NAV2: variants seen among roughly 807,000 people sequenced by gnomAD.
NAV2 encodes the protein helicase, APC down-regulated 1.
A neutral mutation model predicts 223.2 loss-of-function variants in NAV2; 54 were observed. The ratio of observed to expected loss-of-function variants is 0.24; its 90% CI spans 0.19 to 0.30. The LOEUF is 0.30. NAV2 is among the 10% of genes least tolerant of loss of function. The pLI, the probability that NAV2 is intolerant of heterozygous loss-of-function variation, is 1.00. For synonymous variants in NAV2, 1,279 were observed against 1,239.3 expected (o/e 1.03, Z -0.67); for missense variants, 2,806 against 3,147.5 (o/e 0.89, Z 2.60).
At chr11:19,778,479 C>A in intron 1 of NAV2, 1 of 294,046 alleles carries the variant, frequency 3.4e-6, no homozygotes, top group Non-Finnish European at 6.8e-6. Flanking sequence ...GGTGTGAGGT[C>A]TTTAAAGATG....
chr11:19,693,357 T>A (rs1254083716), intron 1 of NAV2, among the ~76,000 whole-genome samples: 1 of 152,160 alleles, frequency 6.6e-6, no homozygotes, highest in Non-Finnish European at 1.5e-5. Context: ...ACAACAATTT[T>A]CCATGCCCTA....
chr11:19,935,350 T>C (rs2042047344), intron 7 of NAV2, among the ~76,000 whole-genome samples: 1 of 152,220 alleles, frequency 6.6e-6, no homozygotes, highest in African/African-American at 2.4e-5. Context: ...CTCACACTCA[T>C]ACAGCCATAC....
intron 1 of NAV2, among the ~76,000 whole-genome samples, chr11:19,807,088 A>T (rs796193148): frequency 3.3e-5 from 5 of 152,296 alleles, no homozygotes; most frequent in African/African-American, 1.2e-4. Flanking sequence ...TGTGGGGCAA[A>T]TGTGATGTGT....
rs546992200 is a variant in NAV2, at chr11:19,360,677, T to G, written c.75+9650T>G. ...GGATCGCTCCAGAAGAAGGCATGAG[T>G]GGACAGGCAGTGATTGACATCTCTA... is the stretch of plus-strand genomic sequence containing the variant. On this transcript the variant is annotated intron_variant, in intron 1 of 37. Transcript: ENST00000360655. Among the ~76,000 whole-genome samples, 12 of 152,058 alleles carry G rather than the reference T, an allele frequency of 7.9e-5. No individual in the cohort carries two copies. In the South Asian group the frequency reaches 2.5e-3, roughly 32 times the overall value.
chr11:19,665,915 AATC>A lies in NAV2; in HGVS notation c.76-166550_76-166548del, dbSNP rs570038146. On this transcript the variant is annotated intron_variant, in intron 1 of 37. Coordinates refer to the NAV2 transcript ENST00000360655. ...CACAACATAATTTCAAAGAATGCAG[AATC>A]ATCATCATCATCATCATCGTCATCA... 2.1e-4 allele frequency among the ~76,000 whole-genome samples: 32 copies of A among 152,110 alleles called. No individual in the cohort carries two copies. In the South Asian group the frequency reaches 2.5e-3, roughly 12 times the overall value.
At chr11:19,659,443 G>T (rs562440687) in intron 1 of NAV2, among the ~76,000 whole-genome samples, 1 of 152,320 alleles carries the variant, frequency 6.6e-6, no homozygotes, top group Non-Finnish European at 1.5e-5. Context: ...GAGTTAACGT[G>T]CTGGGGGGTG....
intron 1 of NAV2, among the ~76,000 whole-genome samples, chr11:19,671,961 G>C (rs1041234423): frequency 6.6e-6 from 1 of 152,184 alleles, no homozygotes; most frequent in Non-Finnish European, 1.5e-5. Context: ...CCTGTCTAGA[G>C]GGAGAGACAT....
chr11:19,933,335 G>A lies in NAV2; in HGVS notation c.1091G>A (p.Ser364Asn). The A allele has an allele frequency of 6.2e-7, 1 of 1,612,190 alleles. No homozygotes were observed. Among genetic ancestry groups the A allele is most frequent in the Non-Finnish European group, 8.5e-7 (1 of 1,179,116 alleles). ...ATKPWRSKSL[S>N]VKHSATVSML... ...AAGCCTTGGCGCAGCAAATCCCTCA[G>A]CGTGAAGCACAGTGCCACGGTATCC... The change falls in exon 7 of 38, where the codon AGC becomes AAC. Residue 364 changes from serine to asparagine, a missense_variant. Around this residue, in one of 4 missense-constraint regions of NAV2, gnomAD observed 1,167 missense variants for 1,180.5 expected, o/e 0.99. Coordinates refer to ENST00000349880, the MANE Select transcript of NAV2 (RefSeq NM_145117.5). This position sits in a 1 kb window ranked among gnomAD's most constrained non-coding sequence, Gnocchi z 4.3.
At chr11:20,029,023 G>T (rs539059860) in intron 11 of NAV2, among the ~76,000 whole-genome samples, 1 of 152,282 alleles carries the variant, frequency 6.6e-6, no homozygotes, top group Non-Finnish European at 1.5e-5. Flanking sequence ...AAAATAATCT[G>T]ACAGGTGAAA....
chr11:19,834,336 C>G (rs181990485), intron 2 of NAV2, among the ~76,000 whole-genome samples: 1 of 152,176 alleles, frequency 6.6e-6, no homozygotes, highest in African/African-American at 2.4e-5. Context: ...GACTAGTCTC[C>G]ATGGGAATTC....
At chr11:19,699,465 T>C (rs1266013891) in intron 1 of NAV2, among the ~76,000 whole-genome samples, 2 of 152,066 alleles carry the variant, frequency 1.3e-5, no homozygotes, top group Non-Finnish European at 2.9e-5. Context: ...CTTATGGATT[T>C]TGAAGAGTCA....
intron 5 of NAV2, among the ~76,000 whole-genome samples, chr11:19,886,178 A>G (rs918224236): frequency 6.6e-6 from 1 of 150,506 alleles, no homozygotes; most frequent in Non-Finnish European, 1.5e-5. Flanking sequence ...GGGTCTCTCA[A>G]TGTTACCTAG....
At chr11:19,458,804 C>G (rs577439203) in intron 1 of NAV2, among the ~76,000 whole-genome samples, 1 of 152,360 alleles carries the variant, frequency 6.6e-6, no homozygotes, top group Non-Finnish European at 1.5e-5. Flanking sequence ...TACCACCTTT[C>G]TAGTCATACC....
chr11:19,785,347 A>G (rs2057026460), intron 1 of NAV2, among the ~76,000 whole-genome samples: 1 of 152,242 alleles, frequency 6.6e-6, no homozygotes, highest in Non-Finnish European at 1.5e-5. Context: ...AAGATTATAA[A>G]GAGCGAGAAG....
chr11:19,996,444 G>T (rs1044409849), intron 11 of NAV2, among the ~76,000 whole-genome samples: 1 of 152,202 alleles, frequency 6.6e-6, no homozygotes. Flanking sequence ...TGTGGCTCAG[G>T]CTCAGGCCAA....
At chr11:19,932,236 C>CAAAAAAAAAAAAAAAAAAAAAA (rs398015484) in intron 6 of NAV2, among the ~76,000 whole-genome samples, 2 of 78,994 alleles carry the variant, frequency 2.5e-5, no homozygotes, top group African/African-American at 1.2e-4. Flanking sequence ...CACTCTTAAG[C>CAAAAAAAAAAAAAAAAAAAAAA]AAAAAAAAAA....
chr11:19,364,928 A>AT (rs1194280507), intron 1 of NAV2, among the ~76,000 whole-genome samples: 1 of 152,206 alleles, frequency 6.6e-6, no homozygotes, highest in African/African-American at 2.4e-5. Flanking sequence ...ATACAACAAT[A>AT]TTTCGGTTTT....
intron 1 of NAV2, among the ~76,000 whole-genome samples, chr11:19,654,529 G>T (rs1329518508): frequency 1.3e-5 from 2 of 152,090 alleles, no homozygotes; most frequent in African/African-American, 4.8e-5. Context: ...GCATGGTACT[G>T]GTACCAAAAC....
At chr11:19,917,183 G>A (rs1359165821) in intron 6 of NAV2, among the ~76,000 whole-genome samples, 1 of 152,190 alleles carries the variant, frequency 6.6e-6, no homozygotes, top group Non-Finnish European at 1.5e-5. Flanking sequence ...CAGGATTTCT[G>A]TGAGTTCCCA....
Sources: allele counts gnomAD v4.1 joint callset (sites outside exome capture counted in the v4.1 genomes callset), GRCh38; gene constraint gnomAD v4.1.1; regional missense constraint gnomAD v4.1.1; non-coding constraint Gnocchi (gnomAD v3.1); transcripts MANE v1.5; gene names NCBI Gene and HGNC (gene_info 2026-07-23, HGNC 2026-07-21).